MLX: variants seen among roughly 807,000 people sequenced by gnomAD.
MLX encodes MAX dimerization protein MLX, also known as max-like protein X.
MLX carries 15 observed loss-of-function variants against 33.0 expected under a neutral mutation model. The ratio of observed to expected loss-of-function variants is 0.45; its 90% confidence interval spans 0.30 to 0.70. The LOEUF is 0.70. Ranked by LOEUF, MLX falls within the 30% of genes least tolerant of loss-of-function variation. MLX has a pLI of 0.07. For synonymous variants in MLX, 115 were observed against 115.6 expected (o/e 0.99, Z 0.03); for missense variants, 285 against 306.3 (o/e 0.93, Z 0.52).
rs767066405 is a variant in MLX, at chr17:42,570,190, G to T, written c.678+7G>T. The T allele has an allele frequency of 1.2e-6, 2 of 1,613,022 alleles. No individual in the cohort carries two copies. The highest frequency in any genetic ancestry group is 2.2e-5 in the East Asian group (1 of 44,886). ...GGAGCACTGTAAGCCTCAGGTATGG[G>T]GCAACAATAGGCACAGGGTCTGCGG... On this transcript the variant is annotated splice_region_variant and intron_variant, in intron 7 of 7. Transcript: ENST00000435881.
At position 42,570,144 on chromosome 17, in the gene MLX, G is replaced by A. The variant is rs1474040; in HGVS notation, c.639G>A (p.Ala213=). 352,873 of 1,613,808 alleles carry A rather than the reference G, an allele frequency of 0.22. 43,583 individuals carry two copies. The highest frequency in any genetic ancestry group is 0.28 in the Middle Eastern group (1,692 of 5,990). The change falls in exon 7 of 8, where the codon GCG becomes GCA. Residue 213 remains alanine, a synonymous_variant. Coordinates refer to ENST00000435881, the MANE Select transcript of MLX (RefSeq NM_198204.2). ...TGGCCAGCTTCCAGGAGCTGTCAGC[G>A]TGTGTCTTCAGCTGGATCGAGGAGC... ...ISVASFQELS[A]CVFSWIEEHC... is the part of the protein sequence containing the mutation.
rs780677107 is a variant in MLX at position 42,567,641 on chromosome 17, A to G, written c.65A>G (p.Asn22Ser). The G allele has an allele frequency of 6.2e-7, 1 of 1,614,090 alleles. No individual in the cohort carries two copies. Among genetic ancestry groups the G allele is most frequent in the Non-Finnish European group, 8.5e-7 (1 of 1,179,988 alleles). Residue 22 changes from asparagine (N) to serine (S), a missense_variant, in exon 2 of 8, where the codon AAC becomes AGC. Asn to Ser is a conservative substitution (Grantham distance 46). Transcript: ENST00000435881. The part of the protein sequence containing the change: ...WVKVEYAYSD[N>S]SLDPGLFVES... ...CAGGTGGAGTATGCCTACAGCGACA[A>G]CAGCCTGGACCCCGGTGAGTAGCTG...
chr17:42,571,483 A>C, intron 7 of MLX, 64 bp from the exon 8 acceptor site: 48 of 1,535,118 alleles, frequency 3.1e-5, no homozygotes, highest in Non-Finnish European at 4.1e-5. Context: ...CTAGGCAGGC[A>C]TCTTGGAAAC....
Position 42,572,583 on chromosome 17 carries a change from C to T in MLX, c.*980C>T, listed in dbSNP as rs1316446644. 1 of 453,862 alleles carries T rather than the reference C, an allele frequency of 2.2e-6. No homozygotes were observed. The highest frequency in any genetic ancestry group is 4.4e-6 in the Non-Finnish European group (1 of 226,476). The allele number at this position is 453,862 out of a possible 1,614,324, so 28.1% of individuals were successfully genotyped here. A position where few individuals can be genotyped will look rare whatever the true frequency, so the allele number is the denominator to read the frequency against. On this transcript the variant is annotated 3_prime_UTR_variant, in exon 8 of 8. Coordinates refer to ENST00000435881, the MANE Select transcript of MLX (RefSeq NM_198204.2). The stretch of plus-strand genomic sequence containing the variant: ...ATGCTCGTTTTATAGCAACCTCTCT[C>T]TACCCTAGTTCTCCAAATTCACTTC...
At chr17:42,569,415 T>C (rs1334317563) in intron 5 of MLX, 92 bp from the exon 6 acceptor site, 20 of 1,495,168 alleles carry the variant, frequency 1.3e-5, no homozygotes, top group Non-Finnish European at 1.7e-5. Flanking sequence ...CATGGGATAG[T>C]TGGGGTCTGG....
Position 42,571,895 on chromosome 17 carries a change from A to G in MLX, c.*292A>G, listed in dbSNP as rs997390339. 55 of 433,226 alleles carry G rather than the reference A, an allele frequency of 1.3e-4. No homozygotes were observed. Among genetic ancestry groups the G allele is most frequent in the African/African-American group, 1.0e-3 (52 of 49,818 alleles). The allele number at this position is 433,226 out of a possible 1,614,324, so 26.8% of individuals were successfully genotyped here. The stretch of plus-strand genomic sequence containing the variant: ...GGCGTCTGCTCTGGACACCCCAAAG[A>G]GCTCCTGCCCTCTCAGCCCTTTATT... On this transcript the variant is annotated 3_prime_UTR_variant, in exon 8 of 8. Transcript: ENST00000435881.
In MLX at chr17:42,572,075, G is replaced by C. The variant is rs554622653; in HGVS notation, c.*472G>C. 2 of 259,584 alleles carry C rather than the reference G, an allele frequency of 7.7e-6. No homozygotes were observed. The highest frequency in any genetic ancestry group is 2.1e-4 in the East Asian group (2 of 9,468). 16.1% of individuals were successfully genotyped at this position (259,584 alleles called of 1,614,324 possible). Reference sequence around the variant, plus strand: ...GCTGTATGGGAGAAAAAGAGTAAGAGGAAATATTCCCACAGCCATGAAGGG... The same window carrying C: ...GCTGTATGGGAGAAAAAGAGTAAGACGAAATATTCCCACAGCCATGAAGGG... On this transcript the variant is annotated 3_prime_UTR_variant, in exon 8 of 8. Transcript: ENST00000435881.
intron 2 of MLX, 199 bp downstream of exon 2, chr17:42,567,854 A>G (rs1194290650): frequency 4.6e-6 from 3 of 658,766 alleles, no homozygotes; most frequent in Non-Finnish European, 7.8e-6. Flanking sequence ...GGAACAGGGA[A>G]GTGGTGGAAC....
chr17:42,568,873 A>T lies in MLX; in HGVS notation c.206A>T (p.Lys69Met), dbSNP rs1362515516. The change falls in exon 4 of 8, where the codon AAG becomes ATG. Residue 69 changes from lysine (K) to methionine (M), a missense_variant. Physicochemically the swap from Lys to Met is moderately conservative, Grantham distance 95. Transcript: ENST00000435881. ...AGTGATTACCACCAGGAGGCCTACA[A>T]GGAGTCCTACAAAGACCGGCGGCGG... The part of the protein sequence containing the change: ...EDSDYHQEAY[K>M]ESYKDRRRRA... 1 of 1,611,768 alleles carries T rather than the reference A, an allele frequency of 6.2e-7. No individual in the cohort carries two copies. The highest frequency in any genetic ancestry group is 1.1e-5 in the South Asian group (1 of 90,650).
chr17:42,569,042 G>C (rs2093020588), intron 4 of MLX, 99 bp downstream of exon 4: 3 of 1,324,424 alleles, frequency 2.3e-6, no homozygotes, highest in Middle Eastern at 2.1e-4. Context: ...GGCACCCTAG[G>C]GGGTGGGCAG....
chr17:42,572,743 A>G lies in MLX; in HGVS notation c.*1140A>G. On this transcript the variant is annotated 3_prime_UTR_variant, in exon 8 of 8. Transcript: ENST00000435881. ...TGTTCCAAGTCTAAATGTTAACCTC[A>G]AGCTACTGCAATTTAGACAATGAAA... 1 of 662,638 alleles carries G rather than the reference A, an allele frequency of 1.5e-6. No individual in the cohort carries two copies. Among genetic ancestry groups the G allele is most frequent in the Admixed American group, 2.0e-5 (1 of 48,884 alleles). 41.0% of individuals were successfully genotyped at this position (662,638 alleles called of 1,614,324 possible).
chr17:42,572,382 C>A lies in MLX; in HGVS notation c.*779C>A. ...TACGGTTACAATTTTGAAATATTAACTGAGCCTCAAAATCACCCTTTCTGT... is the reference window on the plus strand; with the variant it reads ...TACGGTTACAATTTTGAAATATTAAATGAGCCTCAAAATCACCCTTTCTGT... On this transcript the variant is annotated 3_prime_UTR_variant, in exon 8 of 8. Transcript: ENST00000435881. The A allele has an allele frequency of 2.2e-6, 1 of 454,640 alleles. No homozygotes were observed. The highest frequency in any genetic ancestry group is 4.4e-6 in the Non-Finnish European group (1 of 226,774). 28.2% of individuals were successfully genotyped at this position (454,640 alleles called of 1,614,324 possible).
chr17:42,568,431 C>G, intron 2 of MLX, 39 bp from the exon 3 acceptor site: 1 of 1,475,260 alleles, frequency 6.8e-7, no homozygotes, highest in African/African-American at 1.4e-5. Flanking sequence ...GCAATGTTCC[C>G]CACCCCACCC....
chr17:42,571,613 G>C lies in MLX; in HGVS notation c.*10G>C. ...AAACCAGCTTTACTGACCGGTTCTT[G>C]GAAACCTGGAGAACAGCCAACAAGA... On this transcript the variant is annotated 3_prime_UTR_variant, in exon 8 of 8. Transcript: ENST00000435881. 6.2e-7 allele frequency: 1 copy of C among 1,611,868 alleles called. No individual in the cohort carries two copies.
At position 42,569,530 on chromosome 17, in the gene MLX, C is replaced by G. The variant is rs1285266902; in HGVS notation, c.400C>G (p.His134Asp). The part of the protein sequence containing the change: ...QKTIDYIQFL[H>D]KEKKKQEEEV... ...AGCCATTGACTACATTCAGTTTTTG[C>G]ACAAGGAGAAGAAAAAGCAGGAGGA... The change falls in exon 6 of 8, where the codon CAC becomes GAC. Residue 134 changes from histidine (H) to aspartate (D), a missense_variant. His to Asp is a moderately conservative substitution (Grantham distance 81). Coordinates refer to ENST00000435881, the MANE Select transcript of MLX (RefSeq NM_198204.2). The G allele has an allele frequency of 1.2e-6, 2 of 1,613,904 alleles. No homozygotes were observed. Among genetic ancestry groups the G allele is most frequent in the Non-Finnish European group, 1.7e-6 (2 of 1,179,988 alleles).
chr17:42,572,093 A>G lies in MLX; in HGVS notation c.*490A>G. The G allele has an allele frequency of 3.6e-6, 1 of 281,290 alleles. No homozygotes were observed. Among genetic ancestry groups the G allele is most frequent in the South Asian group, 3.4e-5 (1 of 29,588 alleles). The allele number at this position is 281,290 out of a possible 1,614,324, so 17.4% of individuals were successfully genotyped here. A position where few individuals can be genotyped will look rare whatever the true frequency, so the allele number is the denominator to read the frequency against. ...AGTAAGAGGAAATATTCCCACAGCC[A>G]TGAAGGGTGAAAGGGCACCTTGTGC... On this transcript the variant is annotated 3_prime_UTR_variant, in exon 8 of 8. Coordinates refer to ENST00000435881, the MANE Select transcript of MLX (RefSeq NM_198204.2).
chr17:42,567,156 C>G lies in MLX; in HGVS notation c.32C>G (p.Pro11Arg). Residue 11 changes from proline (P) to arginine (R), a missense_variant, in exon 1 of 8, where the codon CCT becomes CGT. By Grantham distance (103) the Pro-to-Arg change is moderately radical. Transcript: ENST00000435881. MTEPGASPED[P>R]WVKVEYAYSD... Reference sequence around the variant, plus strand: ...GAGCCGGGCGCCTCTCCCGAGGACCCTTGGGTCAAGGCAAGCCCCGTGGGC... The same window carrying G: ...GAGCCGGGCGCCTCTCCCGAGGACCGTTGGGTCAAGGCAAGCCCCGTGGGC... 2 of 1,279,282 alleles carry G rather than the reference C, an allele frequency of 1.6e-6. No individual in the cohort carries two copies. Among genetic ancestry groups the G allele is most frequent in the Non-Finnish European group, 2.0e-6 (2 of 1,012,614 alleles). 79.2% of individuals were successfully genotyped at this position (1,279,282 alleles called of 1,614,324 possible).
chr17:42,569,997 T>A lies in MLX; in HGVS notation c.492T>A (p.Ile164=), dbSNP rs1380271881. Residue 164 remains isoleucine, a synonymous_variant, in exon 7 of 8, where the codon ATT becomes ATA. Transcript: ENST00000435881. The stretch of plus-strand genomic sequence containing the variant: ...ATGCTTTTAGGAACTATGAGCAGAT[T>A]GTGAAGGCACACCAGGACAACCCCC... The part of the protein sequence containing the change: ...LKIMKVNYEQ[I]VKAHQDNPHE... 1 of 1,613,916 alleles carries A rather than the reference T, an allele frequency of 6.2e-7. No individual in the cohort carries two copies. Among genetic ancestry groups the A allele is most frequent in the South Asian group, 1.1e-5 (1 of 91,062 alleles).
intron 6 of MLX, 170 bp downstream of exon 6, chr17:42,569,776 C>G: frequency 1.4e-6 from 1 of 714,812 alleles, no homozygotes; most frequent in Non-Finnish European, 2.4e-6. Context: ...GGCAGACACT[C>G]AGGAAATGCC....
Sources: gnomAD v4.1 joint callset for allele counts on GRCh38, gnomAD v4.1.1 for gene constraint, MANE v1.5 for transcripts, NCBI Gene and HGNC (gene_info 2026-07-23, HGNC 2026-07-21) for gene names.